The following TDRD12 variants were observed in gnomAD, a reference collection of about 807,000 sequenced individuals.
TDRD12 encodes tudor domain containing 12, also known as putative ATP-dependent RNA helicase TDRD12.
In TDRD12, 158 loss-of-function variants were observed where a neutral mutation model predicts 133.5. The ratio of observed to expected loss-of-function variants is 1.18; its 90% CI spans 1.04 to 1.35. The LOEUF (loss-of-function observed/expected upper bound fraction) is 1.35. TDRD12 is among the 40% of genes most tolerant of loss of function. The probability of loss-of-function intolerance (pLI) is 0.00; values close to 1 mark genes in which losing one functional copy is unlikely to be tolerated. For missense variants in TDRD12, 1,443 were observed against 1,321.3 expected (o/e 1.09, Z -1.43); for synonymous variants, 460 against 477.9 (o/e 0.96, Z 0.49).
intron 25 of TDRD12, among the ~76,000 whole-genome samples, chr19:32,815,026 G>A (rs1967127111): frequency 6.6e-6 from 1 of 152,226 alleles, no homozygotes; most frequent in Admixed American, 6.5e-5. Flanking sequence ...AGAAGAAATG[G>A]CCCAGAACAG....
At chr19:32,772,759 C>A in exon 9 of TDRD12, 1 of 1,498,694 alleles carries the variant, frequency 6.7e-7, no homozygotes, top group Non-Finnish European at 8.9e-7. Flanking sequence ...GCAGACAAAG[C>A]TGTAAAATGT....
chr19:32,736,729 G>A (rs1969236380), intron 2 of TDRD12, among the ~76,000 whole-genome samples: 1 of 152,170 alleles, frequency 6.6e-6, no homozygotes. Context: ...TTCTGTCTGA[G>A]CGCAGCTCTC....
At chr19:32,817,267 C>T (rs1157798037) in intron 26 of TDRD12, among the ~76,000 whole-genome samples, 1 of 152,136 alleles carries the variant, frequency 6.6e-6, no homozygotes, top group Non-Finnish European at 1.5e-5. Context: ...ACTCCATACT[C>T]CTTAAATAAT....
exon 22 of TDRD12, chr19:32,807,643 A>G (rs1269908133): frequency 5.2e-6 from 8 of 1,526,626 alleles, no homozygotes; most frequent in Non-Finnish European, 7.0e-6. Flanking sequence ...ATTTGGATAC[A>G]TTAAAGTAGG....
chr19:32,823,705 A>G (rs1967486952), downstream of TDRD12, among the ~76,000 whole-genome samples: 2 of 152,236 alleles, frequency 1.3e-5, no homozygotes, highest in Admixed American at 6.5e-5. Flanking sequence ...AGGGTTCTGA[A>G]GAGTTCTGGA....
intron 24 of TDRD12, 91 bp from the exon 25 acceptor site, chr19:32,813,593 T>C (rs1444916822): frequency 4.4e-6 from 3 of 675,526 alleles, no homozygotes; most frequent in East Asian, 5.5e-5. Context: ...TCAAATGAAA[T>C]GCATGGAATA....
intron 26 of TDRD12, among the ~76,000 whole-genome samples, chr19:32,817,647 G>A (rs1967225939): frequency 6.6e-6 from 1 of 151,704 alleles, no homozygotes; most frequent in Admixed American, 6.6e-5. Flanking sequence ...GGGCCCTGTG[G>A]GAATCCTGTG....
intron 4 of TDRD12, among the ~76,000 whole-genome samples, chr19:32,745,955 A>AGAAG (rs576547769): frequency 3.5e-5 from 5 of 144,130 alleles, no homozygotes; most frequent in African/African-American, 1.1e-4. Context: ...TGTGTGAGAG[A>AGAAG]GAGAGAGACT....
intron 9 of TDRD12, among the ~76,000 whole-genome samples, chr19:32,773,156 G>A (rs541987987): frequency 1.3e-5 from 2 of 152,316 alleles, no homozygotes; most frequent in South Asian, 2.1e-4. Context: ...CTAGTGAAGT[G>A]CAAGTCTAAT....
intron 16 of TDRD12, among the ~76,000 whole-genome samples, chr19:32,799,596 G>A (rs765282327): frequency 6.6e-6 from 1 of 152,022 alleles, no homozygotes; most frequent in Non-Finnish European, 1.5e-5. Context: ...TTTTATGCAA[G>A]AACATTAATC....
exon 7 of TDRD12, chr19:32,756,074 A>G: frequency 6.7e-7 from 1 of 1,484,326 alleles, no homozygotes; most frequent in Non-Finnish European, 8.9e-7. Context: ...GATTATTTAG[A>G]AAAACCAAGA....
intron 3 of TDRD12, among the ~76,000 whole-genome samples, chr19:32,741,800 C>T (rs1311812971): frequency 1.3e-5 from 2 of 152,122 alleles, no homozygotes; most frequent in Non-Finnish European, 2.9e-5. Flanking sequence ...GTAATCCCAG[C>T]ACTTTGGAAG....
At chr19:32,766,126 T>C (rs909934885) in intron 8 of TDRD12, among the ~76,000 whole-genome samples, 24 of 152,190 alleles carry the variant, frequency 1.6e-4, no homozygotes, top group African/African-American at 5.5e-4. Context: ...TGAAGGGGAG[T>C]TCTTGTAGGG....
chr19:32,777,164 G>A (rs1230270287), exon 11 of TDRD12: 2 of 1,539,938 alleles, frequency 1.3e-6, no homozygotes, highest in Non-Finnish European at 1.7e-6. Flanking sequence ...TAAGTCAGAA[G>A]TCAAATGAGA....
At chr19:32,791,750 A>G (rs1173509444) in intron 13 of TDRD12, among the ~76,000 whole-genome samples, 2 of 152,098 alleles carry the variant, frequency 1.3e-5, no homozygotes, top group African/African-American at 4.8e-5. Context: ...GAATGGCTCT[A>G]GAGAAATGAC....
rs1968575431 is a variant in TDRD12 at position 32,720,110 on chromosome 19, A to G, written c.24+14A>G. The G allele has an allele frequency of 6.5e-7, 1 of 1,546,830 alleles. No homozygotes were observed. The highest frequency in any genetic ancestry group is 1.4e-5 in the African/African-American group (1 of 72,486). ...CTGGTGCTGAAGGTGAGCGCCGCCA[A>G]GCCAGACCCACGCCAGACCCACGCA... On this transcript the variant is annotated intron_variant, in intron 1 of 27. Transcript: ENST00000444215.
chr19:32,793,791 ATC>A (rs1031175693), intron 13 of TDRD12, among the ~76,000 whole-genome samples: 1 of 107,752 alleles, frequency 9.3e-6, no homozygotes, highest in African/African-American at 4.1e-5. Flanking sequence ...TAAAGCAAGA[ATC>A]TTTTTTTTTT....
intron 11 of TDRD12, among the ~76,000 whole-genome samples, chr19:32,785,391 A>G (rs1338011330): frequency 6.6e-6 from 1 of 152,154 alleles, no homozygotes; most frequent in African/African-American, 2.4e-5. Context: ...TATGTGGTCA[A>G]TTTTAGAATA....
chr19:32,793,127 A>G (rs1971118695), intron 13 of TDRD12, among the ~76,000 whole-genome samples: 3 of 152,106 alleles, frequency 2.0e-5, no homozygotes, highest in African/African-American at 7.2e-5. Context: ...CGGAGGTTGC[A>G]GTGAGCCAAG....
Sources: allele counts gnomAD v4.1 joint callset (sites outside exome capture counted in the v4.1 genomes callset), GRCh38; gene constraint gnomAD v4.1.1; transcripts MANE v1.5; gene names NCBI Gene and HGNC (gene_info 2026-07-23, HGNC 2026-07-21).